The following UBE2G1 variants were observed in gnomAD, a reference collection of about 807,000 sequenced individuals.
The protein encoded by UBE2G1 is ubiquitin conjugating enzyme E2 G1.
In UBE2G1, 5 loss-of-function variants were observed where a neutral mutation model predicts 22.7. That is an observed-to-expected ratio of 0.22 (90% confidence interval 0.12 to 0.46). The LOEUF is 0.46. UBE2G1 is among the 20% of genes least tolerant of loss of function. UBE2G1 has a pLI of 0.99. For missense variants in UBE2G1, 88 were observed against 203.9 expected, an observed-to-expected ratio of 0.43 and a Z score of 3.46; for synonymous variants, 74 against 67.5, an observed-to-expected ratio of 1.10 and a Z score of -0.47.
chr17:4,327,396 C>T (rs1313778555), intron 1 of UBE2G1, among the ~76,000 whole-genome samples: 4 of 152,026 alleles, frequency 2.6e-5, no homozygotes, highest in South Asian at 4.2e-4. Flanking sequence ...CGCTTGGAAC[C>T]GGGAAGCAGA....
chr17:4,299,697 A>T (rs1412410785), intron 2 of UBE2G1, among the ~76,000 whole-genome samples: 1 of 152,202 alleles, frequency 6.6e-6, no homozygotes, highest in East Asian at 1.9e-4. Context: ...TTTTCACTCT[A>T]TCTGAAAATG....
At chr17:4,310,528 G>T (rs1969297767) in intron 1 of UBE2G1, among the ~76,000 whole-genome samples, 1 of 152,200 alleles carries the variant, frequency 6.6e-6, no homozygotes, top group South Asian at 2.1e-4. Flanking sequence ...GTATGTGACT[G>T]GAACGGCGGG....
Position 4,347,843 on chromosome 17 carries a change from T to C in UBE2G1, c.46+18428A>G, listed in dbSNP as rs1341256459. Among the ~76,000 whole-genome samples, 3 of 152,108 alleles carry C rather than the reference T, an allele frequency of 2.0e-5. No individual in the cohort carries two copies. In the East Asian group the frequency reaches 5.8e-4, roughly 29 times the overall value. ...TCAGTGATCTTTGGTTTTTCTATTA[T>C]AATTGTTTTGGGGCACCACGAATTG... On this transcript the variant is annotated intron_variant, in intron 1 of 5. Coordinates refer to ENST00000396981, the MANE Select transcript of UBE2G1 (RefSeq NM_003342.5).
chr17:4,296,950 G>A (rs1969119815), intron 2 of UBE2G1, 136 bp from the exon 3 acceptor site: 4 of 700,206 alleles, frequency 5.7e-6, no homozygotes, highest in Non-Finnish European at 9.6e-6. Flanking sequence ...GATTCCCACA[G>A]GCAGTTACTT....
At chr17:4,362,226 G>C (rs1969977286) in intron 1 of UBE2G1, among the ~76,000 whole-genome samples, 1 of 152,112 alleles carries the variant, frequency 6.6e-6, no homozygotes, top group African/African-American at 2.4e-5. Flanking sequence ...AATATCCACA[G>C]AGAAATACAC....
chr17:4,326,052 A>G (rs542035565), intron 1 of UBE2G1, among the ~76,000 whole-genome samples: 1 of 152,304 alleles, frequency 6.6e-6, no homozygotes, highest in East Asian at 1.9e-4. Flanking sequence ...AAGACATTGG[A>G]TTTAGCAACA....
At chr17:4,280,116 GCCT>G (rs1309227596) in intron 5 of UBE2G1, among the ~76,000 whole-genome samples, 3 of 148,088 alleles carry the variant, frequency 2.0e-5, no homozygotes, top group Admixed American at 6.8e-5. Context: ...GCTCATCGCA[GCCT>G]CCGCCTCCTG....
chr17:4,303,502 G>A (rs991855175), intron 2 of UBE2G1, among the ~76,000 whole-genome samples: 1 of 152,090 alleles, frequency 6.6e-6, no homozygotes, highest in Non-Finnish European at 1.5e-5. Context: ...TTAAGTAATT[G>A]TTCAAAGTCA....
At chr17:4,329,776 TTTC>T (rs1444797823) in intron 1 of UBE2G1, among the ~76,000 whole-genome samples, 1 of 152,154 alleles carries the variant, frequency 6.6e-6, no homozygotes, top group African/African-American at 2.4e-5. Flanking sequence ...AGTATAACTT[TTTC>T]TTACTATCCT....
In UBE2G1 at chr17:4,284,588, G is replaced by A. The variant is rs112960250; in HGVS notation, c.427-1667C>T. The stretch of plus-strand genomic sequence containing the variant: ...TGCATTCCAGCCTGGGCGACAGAGC[G>A]AGAATCTGTCTCAAAAAAAAAACAA... On this transcript the variant is annotated intron_variant, in intron 4 of 5. Coordinates refer to ENST00000396981, the MANE Select transcript of UBE2G1 (RefSeq NM_003342.5). Among the ~76,000 whole-genome samples the A allele has an allele frequency of 1.3e-3, 201 of 151,408 alleles. 2 individuals are homozygous for A. Among genetic ancestry groups the A allele is most frequent in the African/African-American group, 4.4e-3 (181 of 41,356 alleles).
chr17:4,300,627 C>T (rs971197523), intron 2 of UBE2G1, among the ~76,000 whole-genome samples: 1 of 151,816 alleles, frequency 6.6e-6, no homozygotes, highest in Non-Finnish European at 1.5e-5. Flanking sequence ...TACATATTAT[C>T]TTCATCACAG....
intron 5 of UBE2G1, among the ~76,000 whole-genome samples, chr17:4,281,275 A>G (rs534981146): frequency 6.3e-4 from 96 of 152,354 alleles, no homozygotes; most frequent in African/African-American, 2.3e-3. Context: ...AATAAAAGTA[A>G]CAGAAGAATG....
intron 1 of UBE2G1, among the ~76,000 whole-genome samples, chr17:4,318,337 CAACT>C (rs1969400361): frequency 6.6e-6 from 1 of 152,130 alleles, no homozygotes; most frequent in Non-Finnish European, 1.5e-5. Context: ...ACCTCACGCC[CAACT>C]ATGTTTCTAG....
chr17:4,304,245 C>T (rs1183384249), intron 2 of UBE2G1, among the ~76,000 whole-genome samples: 1 of 152,184 alleles, frequency 6.6e-6, no homozygotes, highest in Non-Finnish European at 1.5e-5. Context: ...GCGATCCACC[C>T]TTGGCCTCCC....
chr17:4,277,619 G>A lies in UBE2G1; in HGVS notation c.*38-5103C>T, dbSNP rs898878565. Among the ~76,000 whole-genome samples, 6 of 152,166 alleles carry A rather than the reference G, an allele frequency of 3.9e-5. No individual in the cohort carries two copies. In the South Asian group the frequency reaches 8.3e-4, roughly 21 times the overall value. On this transcript the variant is annotated intron_variant, in intron 5 of 5. Transcript: ENST00000396981. ...GGCCAAGTGGCACCCACAGTAATCCGTGCATTTTGAGAAAATATGTGTGGG... is the reference window on the plus strand; with the variant it reads ...GGCCAAGTGGCACCCACAGTAATCCATGCATTTTGAGAAAATATGTGTGGG...
intron 1 of UBE2G1, among the ~76,000 whole-genome samples, chr17:4,327,085 C>A (rs1348987946): frequency 6.6e-6 from 1 of 152,150 alleles, no homozygotes; most frequent in African/African-American, 2.4e-5. Flanking sequence ...CACCTGAGTT[C>A]AGAAGTTCGA....
intron 3 of UBE2G1, among the ~76,000 whole-genome samples, chr17:4,294,415 C>CAAA (rs68047533): frequency 1.0e-4 from 12 of 117,104 alleles, no homozygotes; most frequent in African/African-American, 4.9e-4. Context: ...GACTCCGTCT[C>CAAA]AAAAAAAAAA....
At chr17:4,294,712 G>T (rs938462483) in intron 3 of UBE2G1, among the ~76,000 whole-genome samples, 1 of 151,930 alleles carries the variant, frequency 6.6e-6, no homozygotes, top group East Asian at 1.9e-4. Flanking sequence ...AGGAGTTCAG[G>T]ACCTGCCTGG....
intron 4 of UBE2G1, among the ~76,000 whole-genome samples, chr17:4,285,213 A>G (rs1968948304): frequency 6.6e-6 from 1 of 152,166 alleles, no homozygotes; most frequent in Non-Finnish European, 1.5e-5. Flanking sequence ...TTAATTTGGC[A>G]AATCAAAAAG....
Sources: allele counts gnomAD v4.1 joint callset (sites outside exome capture counted in the v4.1 genomes callset), GRCh38; gene constraint gnomAD v4.1.1; transcripts MANE v1.5; gene names NCBI Gene and HGNC (gene_info 2026-07-23, HGNC 2026-07-21).